ZNF442: variants seen among roughly 807,000 people sequenced by gnomAD.
The protein encoded by ZNF442 is zinc finger protein 442.
ZNF442 carries 45 observed loss-of-function variants against 57.0 expected under a neutral mutation model. That is an observed-to-expected ratio of 0.79 (90% CI 0.62 to 1.01). ZNF442 has a LOEUF of 1.01. ZNF442 is among the 50% of genes least tolerant of loss of function. ZNF442 has a pLI of 0.00. For synonymous variants in ZNF442, 213 were observed against 241.8 expected (o/e 0.88, Z 1.10); for missense variants, 690 against 756.5 (o/e 0.91, Z 1.03).
At position 12,363,652 on chromosome 19, in the gene ZNF442, G is replaced by A. The variant is rs779244563; in HGVS notation, c.-21C>T. 4.4e-6 allele frequency: 7 copies of A among 1,608,160 alleles called. No homozygotes were observed. In the South Asian group the frequency reaches 5.5e-5, roughly 13 times the overall value. On this transcript the variant is annotated 5_prime_UTR_variant, in exon 3 of 6. Transcript: ENST00000242804. ...ATCATTCAACTGGCTGACCAGCCGT[G>A]TGTCCCCAAGGAATGGAAACTGGGG... is the stretch of plus-strand genomic sequence containing the variant.
Position 12,365,140 on chromosome 19 carries a change from G to C in ZNF442, c.-379C>G, listed in dbSNP as rs1195688600. On this transcript the variant is annotated 5_prime_UTR_variant, in exon 2 of 6. Coordinates refer to ENST00000242804, the MANE Select transcript of ZNF442 (RefSeq NM_030824.3). ...CAAACCTCTCATGGAGGCGGAACTG[G>C]GGTCTTCTCTCCTCTCCCCCTATTA... 6.5e-6 allele frequency: 1 copy of C among 153,324 alleles called. No individual in the cohort carries two copies. Among genetic ancestry groups the C allele is most frequent in the Non-Finnish European group, 1.5e-5 (1 of 68,942 alleles). 9.5% of individuals were successfully genotyped at this position (153,324 alleles called of 1,614,324 possible).
rs1969163276 is a variant in ZNF442, at chr19:12,348,650, A to G, written c.*1051T>C. ...AATCAGAACCTGGTTCATCCAACAC[A>G]GATGATCATCCTGACATCCTGTCAA... On this transcript the variant is annotated 3_prime_UTR_variant, in exon 6 of 6. Coordinates refer to ENST00000242804, the MANE Select transcript of ZNF442 (RefSeq NM_030824.3). The G allele has an allele frequency of 6.6e-6, 1 of 152,118 alleles. No individual in the cohort carries two copies. Among genetic ancestry groups the G allele is most frequent in the South Asian group, 2.1e-4 (1 of 4,828 alleles). 9.4% of individuals were successfully genotyped at this position (152,118 alleles called of 1,614,324 possible).
chr19:12,349,874 AT>A lies in ZNF442; in HGVS notation c.1710del (p.Lys570AsnfsTer40). The A allele has an allele frequency of 1.9e-6, 3 of 1,613,174 alleles. No individual in the cohort carries two copies. Among genetic ancestry groups the A allele is most frequent in the South Asian group, 1.1e-5 (1 of 91,022 alleles). ...TTACCACATTGTTGACATTCATAAG[AT>A]TTCTTTCCAGTGTGAATTCTTTCAT... The part of the protein sequence containing the change: ...LRHERIHTGK[K>X]SYECQQCGKA... On this transcript the variant is annotated frameshift_variant, in exon 6 of 6. Coordinates refer to ENST00000242804, the MANE Select transcript of ZNF442 (RefSeq NM_030824.3). LOFTEE classifies it high-confidence loss of function.
At chr19:12,360,955 G>A (rs555940460) in intron 3 of ZNF442, among the ~76,000 whole-genome samples, 18 of 152,324 alleles carry the variant, frequency 1.2e-4, no homozygotes, top group African/African-American at 3.8e-4. Flanking sequence ...ACTTTGGGAG[G>A]CTGAGGTAGG....
intron 3 of ZNF442, 114 bp downstream of exon 3, chr19:12,363,440 C>A: frequency 2.0e-6 from 2 of 997,140 alleles, no homozygotes. Flanking sequence ...TGCTCAGTGA[C>A]CACCCACCAC....
intron 3 of ZNF442, among the ~76,000 whole-genome samples, chr19:12,359,897 A>G (rs1002502691): frequency 2.0e-5 from 3 of 151,876 alleles, no homozygotes; most frequent in Non-Finnish European, 4.4e-5. Flanking sequence ...AGAATCACTT[A>G]AACCCGGGAG....
chr19:12,353,970 A>G (rs1384508981), intron 3 of ZNF442, among the ~76,000 whole-genome samples: 1 of 152,164 alleles, frequency 6.6e-6, no homozygotes, highest in Non-Finnish European at 1.5e-5. Flanking sequence ...CTCCACCAGC[A>G]AGGAGGTTCT....
chr19:12,364,485 G>A (rs1198139756), intron 2 of ZNF442, among the ~76,000 whole-genome samples: 1 of 151,916 alleles, frequency 6.6e-6, no homozygotes, highest in African/African-American at 2.4e-5. Flanking sequence ...TAAAATACTG[G>A]GACTCTGAAA....
chr19:12,353,775 T>C (rs982912755), intron 3 of ZNF442, among the ~76,000 whole-genome samples: 1 of 152,140 alleles, frequency 6.6e-6, no homozygotes, highest in East Asian at 1.9e-4. Context: ...AAGAGGTTAT[T>C]GGGTCTTGAG....
upstream of ZNF442, among the ~76,000 whole-genome samples, chr19:12,368,213 T>G (rs1318793350): frequency 2.0e-5 from 3 of 152,182 alleles, no homozygotes; most frequent in Non-Finnish European, 4.4e-5. Context: ...TTTGTACAGT[T>G]AATGCAATCA....
At position 12,347,732 on chromosome 19, in the gene ZNF442, T is replaced by C. The variant is rs1042944243; in HGVS notation, c.*1969A>G. The stretch of plus-strand genomic sequence containing the variant: ...AAGCACACTTCTCCACTGGGCCCTT[T>C]AAAAAAGCCTCAGGCTGTAAGAGAA... On this transcript the variant is annotated 3_prime_UTR_variant, in exon 6 of 6. Coordinates refer to ENST00000242804, the MANE Select transcript of ZNF442 (RefSeq NM_030824.3). 3.3e-5 allele frequency: 5 copies of C among 152,238 alleles called. No homozygotes were observed. Among genetic ancestry groups the C allele is most frequent in the Admixed American group, 3.3e-4 (5 of 15,288 alleles). 9.4% of individuals were successfully genotyped at this position (152,238 alleles called of 1,614,324 possible). A position where few individuals can be genotyped will look rare whatever the true frequency, so the allele number is the denominator to read the frequency against.
intron 3 of ZNF442, among the ~76,000 whole-genome samples, chr19:12,354,127 C>T (rs1969287709): frequency 6.6e-6 from 1 of 152,146 alleles, no homozygotes; most frequent in Non-Finnish European, 1.5e-5. Context: ...ACACTCTGGG[C>T]ACTGAGTCTC....
intron 3 of ZNF442, among the ~76,000 whole-genome samples, chr19:12,357,439 C>T (rs547818237): frequency 8.0e-5 from 12 of 150,588 alleles, no homozygotes; most frequent in African/African-American, 2.7e-4. Context: ...GCAACCTCCA[C>T]CTCCTGGGTT....
Position 12,350,644 on chromosome 19 carries a change from G to C in ZNF442, c.941C>G (p.Thr314Ser). Residue 314 changes from threonine (T) to serine (S), a missense_variant, in exon 6 of 6, where the codon ACT (threonine) becomes AGT (serine). Thr to Ser is a moderately conservative substitution (Grantham distance 58). Coordinates refer to ENST00000242804, the MANE Select transcript of ZNF442 (RefSeq NM_030824.3). ...TTCATAGGGTTTCTCTCCAGTGTGA[G>C]TTCTTTCATGTATTCGAAGGGAACT... ...VSSSLRIHER[T>S]HTGEKPYECK... The C allele has an allele frequency of 6.2e-7, 1 of 1,613,928 alleles. No individual in the cohort carries two copies. Among genetic ancestry groups the C allele is most frequent in the Non-Finnish European group, 8.5e-7 (1 of 1,180,010 alleles).
In ZNF442 at chr19:12,349,605, G is replaced by T; in HGVS notation, c.*96C>A. 1 of 1,280,094 alleles carries T rather than the reference G, an allele frequency of 7.8e-7. No homozygotes were observed. Among genetic ancestry groups the T allele is most frequent in the Non-Finnish European group, 1.1e-6 (1 of 933,542 alleles). 79.3% of individuals were successfully genotyped at this position (1,280,094 alleles called of 1,614,324 possible). A position where few individuals can be genotyped will look rare whatever the true frequency, so the allele number is the denominator to read the frequency against. ...ACCATATTCAAAAGAAACATCTTAA[G>T]GCTTTACCATGTGTTTGCATTCATG... On this transcript the variant is annotated 3_prime_UTR_variant, in exon 6 of 6. Coordinates refer to ENST00000242804, the MANE Select transcript of ZNF442 (RefSeq NM_030824.3).
chr19:12,352,726 T>C (rs1969262635), intron 4 of ZNF442, among the ~76,000 whole-genome samples: 1 of 152,246 alleles, frequency 6.6e-6, no homozygotes, highest in South Asian at 2.1e-4. Context: ...GAATATAGTA[T>C]GCAATATATG....
chr19:12,364,143 C>T (rs983645978), intron 2 of ZNF442, among the ~76,000 whole-genome samples: 4 of 152,060 alleles, frequency 2.6e-5, no homozygotes, highest in African/African-American at 9.7e-5. Flanking sequence ...GCGGTGGTCA[C>T]GCCTGTAATC....
At chr19:12,357,349 CTTTTTTTTTTTT>C (rs5827145) in intron 3 of ZNF442, among the ~76,000 whole-genome samples, 2 of 95,348 alleles carry the variant, frequency 2.1e-5, no homozygotes, top group East Asian at 6.1e-4. Context: ...CTTTTTCTTT[CTTTTTTTTTTTT>C]TTTTTTTTTG....
At chr19:12,364,430 GAA>G (rs1969496974) in intron 2 of ZNF442, among the ~76,000 whole-genome samples, 2 of 149,066 alleles carry the variant, frequency 1.3e-5, no homozygotes, top group Non-Finnish European at 3.0e-5. Context: ...AAGAAAGAAA[GAA>G]AAAAAGAAGC....
Sources: allele counts gnomAD v4.1 joint callset (sites outside exome capture counted in the v4.1 genomes callset), GRCh38; gene constraint gnomAD v4.1.1; transcripts MANE v1.5; gene names NCBI Gene and HGNC (gene_info 2026-07-23, HGNC 2026-07-21).